Variants in DCC observed in about 807,000 individuals in gnomAD.
The protein encoded by DCC is netrin receptor DCC.
Under a neutral mutation model 172.5 loss-of-function variants are expected in DCC, and 58 were observed. That is an observed-to-expected ratio of 0.34 (90% CI 0.27 to 0.42). The LOEUF is 0.42. DCC is among the 10% of genes least tolerant of loss of function. The pLI, the probability that DCC is intolerant of heterozygous loss-of-function variation, is 1.00. For missense variants in DCC, 1,740 were observed against 1,791.0 expected (o/e 0.97, Z 0.51); for synonymous variants, 709 against 644.5 (o/e 1.10, Z -1.52).
chr18:52,576,021 T>C (rs1188484260), intron 1 of DCC, among the ~76,000 whole-genome samples: 2 of 152,306 alleles, frequency 1.3e-5, no homozygotes, highest in South Asian at 2.1e-4. Flanking sequence ...GAAGAGGAGA[T>C]TGTTATGGCG....
intron 1 of DCC, among the ~76,000 whole-genome samples, chr18:52,353,047 G>A (rs766754418): frequency 3.3e-5 from 5 of 152,128 alleles, no homozygotes; most frequent in African/African-American, 4.8e-5. Flanking sequence ...ATGGGAAACT[G>A]CCCCTACCAC....
chr18:52,929,974 C>A (rs17391253), intron 5 of DCC, among the ~76,000 whole-genome samples: 6 of 151,788 alleles, frequency 4.0e-5, no homozygotes, highest in Non-Finnish European at 7.4e-5. Flanking sequence ...ACATGTCTAT[C>A]TTCTCCAGTT....
chr18:52,343,349 G>A lies in DCC; in HGVS notation c.91+2471G>A, dbSNP rs34516875. The stretch of plus-strand genomic sequence containing the variant: ...TTACTGGCAGAGAAATTCCCATTCA[G>A]CCGGGTGTTTTAAAGACTTTGTTGA... On this transcript the variant is annotated intron_variant, in intron 1 of 28. Coordinates refer to ENST00000442544, the MANE Select transcript of DCC (RefSeq NM_005215.4). Among the ~76,000 whole-genome samples the A allele has an allele frequency of 3.8e-3, 574 of 152,294 alleles. 1 individual carries two copies. Among genetic ancestry groups the A allele is most frequent in the Non-Finnish European group, 6.0e-3 (408 of 68,014 alleles).
rs141274865 is a variant in DCC, at chr18:52,550,554, T to C, written c.92-201500T>C. ...AATCATTACTACCTTCTGTTTCTCT[T>C]ACATGTATCAATACTGCCCCCTGAC... On this transcript the variant is annotated intron_variant, in intron 1 of 28. Coordinates refer to ENST00000442544, the MANE Select transcript of DCC (RefSeq NM_005215.4). Among the ~76,000 whole-genome samples, 886 of 152,202 alleles carry C rather than the reference T, an allele frequency of 5.8e-3. 6 individuals carry two copies. Among genetic ancestry groups the C allele is most frequent in the Non-Finnish European group, 0.01 (692 of 68,002 alleles).
At position 53,000,946 on chromosome 18, in the gene DCC, T is replaced by C. The variant is rs559830254; in HGVS notation, c.986-62359T>C. Among the ~76,000 whole-genome samples, 33 of 152,218 alleles carry C rather than the reference T, an allele frequency of 2.2e-4. 1 individual carries two copies. The highest frequency in any genetic ancestry group is 1.2e-3 in the South Asian group (6 of 4,818). ...TCTTACCTACATTCTGAGGGTTTTTTTCCCATCGACTGCATCTGTGTGATA... is the reference window on the plus strand; with the variant it reads ...TCTTACCTACATTCTGAGGGTTTTTCTCCCATCGACTGCATCTGTGTGATA... On this transcript the variant is annotated intron_variant, in intron 5 of 28. Coordinates refer to ENST00000442544, the MANE Select transcript of DCC (RefSeq NM_005215.4).
At chr18:53,196,016 G>A (rs143014017) in intron 9 of DCC, among the ~76,000 whole-genome samples, 3,284 of 152,224 alleles carry the variant, frequency 0.022, 39 homozygotes, top group Middle Eastern at 0.027. Context: ...TTAAAATCAC[G>A]TGGTACTTTT....
intron 1 of DCC, among the ~76,000 whole-genome samples, chr18:52,512,319 T>C (rs967163111): frequency 2.0e-5 from 3 of 152,176 alleles, no homozygotes; most frequent in Non-Finnish European, 4.4e-5. Context: ...TATTTAATCT[T>C]GGTGCCACTA....
At chr18:53,340,255 T>C (rs1004910452) in intron 15 of DCC, among the ~76,000 whole-genome samples, 11 of 152,196 alleles carry the variant, frequency 7.2e-5, no homozygotes, top group Admixed American at 5.9e-4. Flanking sequence ...CTTCTGATCC[T>C]AATAATTTCT....
intron 2 of DCC, among the ~76,000 whole-genome samples, chr18:52,812,839 G>C (rs942517489): frequency 6.6e-6 from 1 of 152,160 alleles, no homozygotes; most frequent in African/African-American, 2.4e-5. Flanking sequence ...ACACTGTTGG[G>C]CTGAGAATTT....
At chr18:52,837,477 G>A (rs576186820) in intron 2 of DCC, among the ~76,000 whole-genome samples, 1 of 152,218 alleles carries the variant, frequency 6.6e-6, no homozygotes, top group African/African-American at 2.4e-5. Flanking sequence ...AGATCTCTAG[G>A]GCAGGGACAA....
At chr18:52,650,392 G>A (rs184822063) in intron 1 of DCC, among the ~76,000 whole-genome samples, 317 of 152,226 alleles carry the variant, frequency 2.1e-3, no homozygotes, top group African/African-American at 7.2e-3. Flanking sequence ...TACTTAATGG[G>A]TACAATGTAC....
intron 1 of DCC, among the ~76,000 whole-genome samples, chr18:52,379,473 G>A (rs1985494320): frequency 6.6e-6 from 1 of 152,028 alleles, no homozygotes; most frequent in Non-Finnish European, 1.5e-5. Context: ...AATTTGTTCT[G>A]TTGTTCAACA....
At chr18:53,095,161 G>T (rs1387973268) in intron 7 of DCC, among the ~76,000 whole-genome samples, 1 of 152,174 alleles carries the variant, frequency 6.6e-6, no homozygotes, top group Non-Finnish European at 1.5e-5. Flanking sequence ...CTGCTTTGCA[G>T]TCTTTTTATA....
At chr18:52,467,759 A>G (rs1988828885) in intron 1 of DCC, among the ~76,000 whole-genome samples, 1 of 152,176 alleles carries the variant, frequency 6.6e-6, no homozygotes, top group Admixed American at 6.5e-5. Context: ...ATGAGATGGT[A>G]TCTCATTGGG....
chr18:53,170,133 A>G (rs1286799870), intron 8 of DCC, among the ~76,000 whole-genome samples: 1 of 152,196 alleles, frequency 6.6e-6, no homozygotes, highest in Non-Finnish European at 1.5e-5. Flanking sequence ...ATGCTTTTGT[A>G]TAATGTTAGC....
chr18:52,357,577 A>G (rs72916905), intron 1 of DCC, among the ~76,000 whole-genome samples: 23,046 of 152,212 alleles, frequency 0.15, 2,186 homozygotes, highest in South Asian at 0.25. Flanking sequence ...AATATTATAT[A>G]TACTCTACTC....
chr18:52,954,028 T>C (rs1424915045), intron 5 of DCC, among the ~76,000 whole-genome samples: 2 of 152,202 alleles, frequency 1.3e-5, no homozygotes, highest in Non-Finnish European at 2.9e-5. Context: ...CTGAGCAAAA[T>C]TGTGGGACAC....
intron 14 of DCC, among the ~76,000 whole-genome samples, chr18:53,336,512 C>A (rs1056299924): frequency 6.6e-6 from 1 of 152,016 alleles, no homozygotes; most frequent in Non-Finnish European, 1.5e-5. Context: ...CTAATACTAC[C>A]TTGAAGGAAC....
chr18:52,870,393 A>G (rs986280526), intron 2 of DCC, among the ~76,000 whole-genome samples: 1 of 152,164 alleles, frequency 6.6e-6, no homozygotes, highest in Non-Finnish European at 1.5e-5. Context: ...AGCTGGAGCG[A>G]TGGCAGCCGC....
Sources: gnomAD v4.1 joint callset for allele counts (sites outside exome capture counted in the v4.1 genomes callset) on GRCh38, gnomAD v4.1.1 for gene constraint, MANE v1.5 for transcripts, NCBI Gene and HGNC (gene_info 2026-07-23, HGNC 2026-07-21) for gene names.